The following GOLGA6A variants were observed in gnomAD, a reference collection of about 807,000 sequenced individuals.
GOLGA6A encodes the protein golgin subfamily A member 6A.
Under a neutral mutation model 53.6 loss-of-function variants are expected in GOLGA6A, and 1 was observed. That is an observed-to-expected ratio of 0.02 (90% CI 0.01 to 0.09). The LOEUF is 0.09. Ranked by LOEUF, GOLGA6A falls within the 10% of genes least tolerant of loss-of-function variation. The pLI is 1.00. For synonymous variants in GOLGA6A, 6 were observed against 201.8 expected, an observed-to-expected ratio of 0.03 and a Z score of 8.22; for missense variants, 23 against 509.4, an observed-to-expected ratio of 0.05 and a Z score of 9.19.
rs1348895279 is a variant in GOLGA6A at position 74,071,671 on chromosome 15, AT to A, written c.1594-16del. On this transcript the variant is annotated splice_polypyrimidine_tract_variant and intron_variant, in intron 14 of 17. Coordinates refer to ENST00000290438, the MANE Select transcript of GOLGA6A (RefSeq NM_001038640.2). Reference sequence around the variant, plus strand: ...ATAAAGCTGCTCTGGAGCCAAAATAATGGGGTCACATCTCGGGAGTGACCTG... The same window carrying A: ...ATAAAGCTGCTCTGGAGCCAAAATAAGGGGTCACATCTCGGGAGTGACCTG... The A allele has an allele frequency of 1.5e-6, 1 of 680,372 alleles. No homozygotes were observed. Among genetic ancestry groups the A allele is most frequent in the Middle Eastern group, 2.7e-4 (1 of 3,770 alleles). The allele number at this position is 680,372 out of a possible 1,614,324, so 42.1% of individuals were successfully genotyped here. A position where few individuals can be genotyped will look rare whatever the true frequency, so the allele number is the denominator to read the frequency against.
In GOLGA6A at chr15:74,071,220, G is replaced by GC. The variant is rs2071935562; in HGVS notation, c.1857dup (p.His620AlafsTer13). 9.2e-7 allele frequency: 1 copy of GC among 1,090,088 alleles called. No individual in the cohort carries two copies. The highest frequency in any genetic ancestry group is 1.4e-6 in the Non-Finnish European group (1 of 739,278). The allele number at this position is 1,090,088 out of a possible 1,614,324, so 67.5% of individuals were successfully genotyped here. On this transcript the variant is annotated frameshift_variant, in exon 17 of 18. Coordinates refer to ENST00000290438, the MANE Select transcript of GOLGA6A (RefSeq NM_001038640.2). LOFTEE classifies it high-confidence loss of function. ...TGGGCAGCGATGAGGAATTTGCCAT[G>GC]CCCCTCATGGTTGCCCACAAGGGGC...
chr15:74,071,976 G>A (rs1344888712), intron 14 of GOLGA6A, among the ~76,000 whole-genome samples: 1 of 151,856 alleles, frequency 6.6e-6, no homozygotes, highest in African/African-American at 2.4e-5. Flanking sequence ...GAAGGCAAGA[G>A]GTGAGTATTC....
chr15:74,073,209 T>C (rs1446907438), intron 12 of GOLGA6A, among the ~76,000 whole-genome samples: 1 of 151,532 alleles, frequency 6.6e-6, no homozygotes, highest in Non-Finnish European at 1.5e-5. Flanking sequence ...GAGGGCACCG[T>C]GGGGCTCTGT....
chr15:74,080,146 TG>T (rs1286147248), intron 2 of GOLGA6A, among the ~76,000 whole-genome samples: 506 of 148,354 alleles, frequency 3.4e-3, no homozygotes, highest in Non-Finnish European at 5.1e-3. Flanking sequence ...CCCAGCAAGC[TG>T]GTGGCAAGTT....
chr15:74,079,224 A>ACCACT (rs1163197001), intron 2 of GOLGA6A, among the ~76,000 whole-genome samples: 1 of 5,406 alleles, frequency 1.8e-4, no homozygotes, highest in Non-Finnish European at 2.9e-4. Context: ...CCGAGATCGC[A>ACCACT]CCACTCCACT....
chr15:74,074,648 TCTC>T lies in GOLGA6A; in HGVS notation c.1198_1200del (p.Glu400del). ...AGCCTCTTTTCCTGCTTTTGCAGCC[TCTC>T]CTCCTCCTTTCGCAGCCTCTCCTCC... On this transcript the variant is annotated inframe_deletion, in exon 11 of 18. Transcript: ENST00000290438. 1 of 441,096 alleles carries T rather than the reference TCTC, an allele frequency of 2.3e-6. No individual in the cohort carries two copies. Among genetic ancestry groups the T allele is most frequent in the Non-Finnish European group, 3.7e-6 (1 of 268,160 alleles). The allele number at this position is 441,096 out of a possible 1,614,324, so 27.3% of individuals were successfully genotyped here.
At chr15:74,076,389 G>T (rs1221599882) in intron 7 of GOLGA6A, among the ~76,000 whole-genome samples, 53 of 126,744 alleles carry the variant, frequency 4.2e-4, no homozygotes, top group African/African-American at 1.5e-3. Flanking sequence ...CTTAGACAGA[G>T]CTGGGATTTG....
At chr15:74,076,466 G>T in intron 7 of GOLGA6A, among the ~76,000 whole-genome samples, 1 of 113,354 alleles carries the variant, frequency 8.8e-6, no homozygotes, top group African/African-American at 3.5e-5. Context: ...CAGATAGGAA[G>T]GGGGAAATTA....
At chr15:74,076,661 C>CA (rs59721284) in intron 7 of GOLGA6A, among the ~76,000 whole-genome samples, 219 of 142,576 alleles carry the variant, frequency 1.5e-3, no homozygotes, top group Middle Eastern at 7.7e-3. Context: ...CACACACACA[C>CA]CCCTTTCCTC....
At chr15:74,073,085 C>T (rs1340316269) in intron 12 of GOLGA6A, 1 of 1,279,872 alleles carries the variant, frequency 7.8e-7, no homozygotes, top group Non-Finnish European at 1.1e-6. Flanking sequence ...ACTAGTCTCG[C>T]TGCTGCTGCA....
chr15:74,075,019 C>G lies in GOLGA6A; in HGVS notation c.848-18G>C, dbSNP rs1237128183. 1 of 1,548,010 alleles carries G rather than the reference C, an allele frequency of 6.5e-7. No homozygotes were observed. The highest frequency in any genetic ancestry group is 8.6e-7 in the Non-Finnish European group (1 of 1,164,564). ...GGGCTCAGCTGAGAAATGAAGCAGA[C>G]AATAAGGGCCTCTGGATTCCCCAAC... On this transcript the variant is annotated intron_variant, in intron 10 of 17. Coordinates refer to ENST00000290438, the MANE Select transcript of GOLGA6A (RefSeq NM_001038640.2).
chr15:74,072,050 C>A (rs1401769364), intron 14 of GOLGA6A, among the ~76,000 whole-genome samples, 168 bp downstream of exon 14: 31 of 152,234 alleles, frequency 2.0e-4, no homozygotes, highest in African/African-American at 6.8e-4. Flanking sequence ...CCCTTGGGGC[C>A]TCAGAGAGTG....
rs1297271400 is a variant in GOLGA6A, at chr15:74,071,035, A to C, written c.1957T>G (p.Phe653Val). The C allele has an allele frequency of 6.2e-7, 1 of 1,611,224 alleles. No individual in the cohort carries two copies. The highest frequency in any genetic ancestry group is 1.3e-5 in the African/African-American group (1 of 74,912). ...ELGAAGEQDV[F>V]YEVSLDNNVE... ...TTGTTGTCCAGGCTCACTTCATAAA[A>C]AACTTCGGAGAGAGGGAGGCGGGGG... The change falls in exon 18 of 18, where the codon TTT becomes GTT. Residue 653 changes from phenylalanine to valine, a missense_variant and splice_region_variant. By Grantham distance (50) the Phe-to-Val change is conservative. Coordinates refer to ENST00000290438, the MANE Select transcript of GOLGA6A (RefSeq NM_001038640.2).
intron 12 of GOLGA6A, among the ~76,000 whole-genome samples, chr15:74,073,293 T>C: frequency 6.6e-6 from 1 of 151,054 alleles, no homozygotes; most frequent in Middle Eastern, 3.4e-3. Context: ...CCATACCTCC[T>C]TCCCCAGCCT....
Position 74,075,921 on chromosome 15 carries a change from A to T in GOLGA6A, c.629T>A (p.Leu210Gln), listed in dbSNP as rs2071974982. The T allele has an allele frequency of 6.3e-7, 1 of 1,595,654 alleles. No individual in the cohort carries two copies. The highest frequency in any genetic ancestry group is 1.4e-5 in the African/African-American group (1 of 71,006). The part of the protein sequence containing the change: ...WLQQTIKERA[L>Q]LNAHVTQVTE... ...CACCTGTGTCACGTGTGCGTTCAGC[A>T]GCGCCCGCTCCTTTATGGTCTGCTG... Residue 210 changes from leucine (L) to glutamine (Q), a missense_variant, in exon 8 of 18, where the codon CTG becomes CAG. Physicochemically the swap from Leu to Gln is moderately radical, Grantham distance 113. Coordinates refer to ENST00000290438, the MANE Select transcript of GOLGA6A (RefSeq NM_001038640.2).
rs781640075 is a variant in GOLGA6A, at chr15:74,075,983, G to C, written c.567C>G (p.Ser189=). 6.2e-7 allele frequency: 1 copy of C among 1,601,610 alleles called. No individual in the cohort carries two copies. Among genetic ancestry groups the C allele is most frequent in the African/African-American group, 1.4e-5 (1 of 73,444 alleles). Reference sequence around the variant, plus strand: ...GGAGGACCGCTTCTCTGCAGCTCGAGGACTGGATGGTGAAGAGTGAGAAGT... The same window carrying C: ...GGAGGACCGCTTCTCTGCAGCTCGACGACTGGATGGTGAAGAGTGAGAAGT... ...VSTQQQEEDR[S]SSCREAVLQR... is the part of the protein sequence containing the mutation. The change falls in exon 8 of 18, where the codon TCC becomes TCG. Residue 189 remains serine, a splice_region_variant and synonymous_variant. Coordinates refer to ENST00000290438, the MANE Select transcript of GOLGA6A (RefSeq NM_001038640.2).
At position 74,070,948 on chromosome 15, in the gene GOLGA6A, G is replaced by T. The variant is rs2071932002; in HGVS notation, c.2044C>A (p.Gln682Lys). 1 of 1,613,480 alleles carries T rather than the reference G, an allele frequency of 6.2e-7. No homozygotes were observed. The highest frequency in any genetic ancestry group is 8.5e-7 in the Non-Finnish European group (1 of 1,179,886). ...GSPHDNPTVQ[Q>K]IVQLSPVMQD... ...ATGACAGGAGACAGCTGCACGATCT[G>T]CTGTACAGTGGGGTTGTCATGGGGA... The change falls in exon 18 of 18, where the codon CAG becomes AAG. Residue 682 changes from glutamine (Q) to lysine (K), a missense_variant. Transcript: ENST00000290438.
intron 2 of GOLGA6A, among the ~76,000 whole-genome samples, chr15:74,080,004 CTG>C (rs2071993707): frequency 1.1e-5 from 1 of 92,612 alleles, no homozygotes; most frequent in Non-Finnish European, 2.2e-5. Context: ...AAACAGACTC[CTG>C]AGTAAGAGTT....
chr15:74,076,031 G>T, intron 7 of GOLGA6A, 46 bp from the exon 8 acceptor site: 2 of 1,612,534 alleles, frequency 1.2e-6, no homozygotes, highest in Non-Finnish European at 1.7e-6. Flanking sequence ...AGCTCAGGCA[G>T]TGCCCCTTAA....
Sources: gnomAD v4.1 joint callset for allele counts (sites outside exome capture counted in the v4.1 genomes callset) on GRCh38, gnomAD v4.1.1 for gene constraint, MANE v1.5 for transcripts, NCBI Gene and HGNC (gene_info 2026-07-23, HGNC 2026-07-21) for gene names.